RSBN1L: variants seen among roughly 807,000 people sequenced by gnomAD.
RSBN1L encodes the protein round spermatid basic protein 1 like.
Under a neutral mutation model 67.7 loss-of-function variants are expected in RSBN1L, and 30 were observed. The observed-to-expected ratio is 0.44, with a 90% confidence interval of 0.33 to 0.60. The LOEUF is 0.60. RSBN1L is among the 20% of genes least tolerant of loss of function. RSBN1L has a pLI of 0.02. For missense variants in RSBN1L, 992 were observed against 1,031.7 expected (o/e 0.96, Z 0.53); for synonymous variants, 433 against 387.0 (o/e 1.12, Z -1.39).
At position 77,780,618 on chromosome 7, in the gene RSBN1L, A is replaced by C. The variant is rs1195864812; in HGVS notation, c.*1450A>C. 1 of 152,240 alleles carries C rather than the reference A, an allele frequency of 6.6e-6. No homozygotes were observed. Among genetic ancestry groups the C allele is most frequent in the Non-Finnish European group, 1.5e-5 (1 of 68,036 alleles). 9.4% of individuals were successfully genotyped at this position (152,240 alleles called of 1,614,324 possible). Reference sequence around the variant, plus strand: ...AAATATGGCAAATACAAAACTGTAAAATAAGGGCAATGACAATGACTCAAC... The same window carrying C: ...AAATATGGCAAATACAAAACTGTAACATAAGGGCAATGACAATGACTCAAC... On this transcript the variant is annotated 3_prime_UTR_variant, in exon 8 of 8. Coordinates refer to ENST00000334955, the MANE Select transcript of RSBN1L (RefSeq NM_198467.3).
Position 77,749,966 on chromosome 7 carries a change from G to A in RSBN1L, c.1246G>A (p.Asp416Asn), listed in dbSNP as rs934846823. ...GAATYLPDFLDYFSFNFPNSP... is the reference protein window; with the variant it reads ...GAATYLPDFLNYFSFNFPNSP... ...AGCTACTTATTTACCTGACTTTTTA[G>A]ACTATTTTTCATTTAATTTTCCCAA... is the stretch of plus-strand genomic sequence containing the variant. Residue 416 changes from aspartate (D) to asparagine (N), a missense_variant, in exon 3 of 8, where the codon GAC (aspartate) becomes AAC (asparagine). By Grantham distance (23) the Asp-to-Asn change is conservative. Coordinates refer to ENST00000334955, the MANE Select transcript of RSBN1L (RefSeq NM_198467.3). 1 of 1,613,922 alleles carries A rather than the reference G, an allele frequency of 6.2e-7. No individual in the cohort carries two copies.
At chr7:77,724,217 A>G (rs1282795233) in intron 1 of RSBN1L, among the ~76,000 whole-genome samples, 1 of 151,930 alleles carries the variant, frequency 6.6e-6, no homozygotes, top group Non-Finnish European at 1.5e-5. Context: ...ACTTTTTTTA[A>G]TGTGTTTATG....
chr7:77,715,064 G>C lies in RSBN1L; in HGVS notation c.586+18009G>C, dbSNP rs574253345. Among the ~76,000 whole-genome samples the C allele has an allele frequency of 3.3e-5, 5 of 152,068 alleles. No homozygotes were observed. In the South Asian group the frequency reaches 1.0e-3, roughly 32 times the overall value. On this transcript the variant is annotated intron_variant, in intron 1 of 7. Coordinates refer to ENST00000334955, the MANE Select transcript of RSBN1L (RefSeq NM_198467.3). ...ATATGGGCAGGTCACCTGAGGTCAGGAGTTTAAGACCAGCCTGACCAGCAT... is the reference window on the plus strand; with the variant it reads ...ATATGGGCAGGTCACCTGAGGTCAGCAGTTTAAGACCAGCCTGACCAGCAT...
chr7:77,708,207 G>C (rs915733747), intron 1 of RSBN1L, among the ~76,000 whole-genome samples: 1 of 151,998 alleles, frequency 6.6e-6, no homozygotes, highest in Non-Finnish European at 1.5e-5. Flanking sequence ...GCTTGTTTGG[G>C]GTAGGGGGTG....
intron 3 of RSBN1L, among the ~76,000 whole-genome samples, chr7:77,760,270 G>C (rs1791682838): frequency 6.6e-6 from 1 of 152,018 alleles, no homozygotes; most frequent in South Asian, 2.1e-4. Context: ...GTTAACCAAA[G>C]CTTCTCAGAT....
rs1438401520 is a variant in RSBN1L, at chr7:77,781,047, GGTAAC to G, written c.*1880_*1884del. The G allele has an allele frequency of 6.6e-6, 1 of 152,128 alleles. No homozygotes were observed. Among genetic ancestry groups the G allele is most frequent in the Non-Finnish European group, 1.5e-5 (1 of 68,024 alleles). 9.4% of individuals were successfully genotyped at this position (152,128 alleles called of 1,614,324 possible). ...TATTTCCATTTCTGGCTTAATTTAT[GGTAAC>G]CATCAAAACTGCTTATATTTCTGGT... On this transcript the variant is annotated 3_prime_UTR_variant, in exon 8 of 8. Transcript: ENST00000334955.
chr7:77,779,349 G>T lies in RSBN1L; in HGVS notation c.*181G>T, dbSNP rs755726921. The T allele has an allele frequency of 4.4e-4, 222 of 509,934 alleles. 2 individuals carry two copies. The highest frequency in any genetic ancestry group is 5.3e-4 in the Middle Eastern group (1 of 1,896). The allele number at this position is 509,934 out of a possible 1,614,324, so 31.6% of individuals were successfully genotyped here. A position where few individuals can be genotyped will look rare whatever the true frequency, so the allele number is the denominator to read the frequency against. ...AAGTATTAAGCACTTAGGGCCAGAT[G>T]CACTGTAAACATTGCAGGTTTAAAC... On this transcript the variant is annotated 3_prime_UTR_variant, in exon 8 of 8. Coordinates refer to ENST00000334955, the MANE Select transcript of RSBN1L (RefSeq NM_198467.3).
intron 2 of RSBN1L, among the ~76,000 whole-genome samples, chr7:77,742,971 G>A (rs1791433488): frequency 6.6e-6 from 1 of 152,206 alleles, no homozygotes; most frequent in South Asian, 2.1e-4. Flanking sequence ...CTTGCAAACA[G>A]GACTGAGAAT....
intron 1 of RSBN1L, among the ~76,000 whole-genome samples, chr7:77,699,652 A>G (rs1404999458): frequency 6.6e-6 from 1 of 152,228 alleles, no homozygotes; most frequent in African/African-American, 2.4e-5. Flanking sequence ...GTATACTAAT[A>G]TGGCCCCATT....
At chr7:77,754,632 C>A (rs549265598) in intron 3 of RSBN1L, among the ~76,000 whole-genome samples, 2 of 152,260 alleles carry the variant, frequency 1.3e-5, no homozygotes, top group East Asian at 3.9e-4. Flanking sequence ...CTCCATTTAT[C>A]TTCCAACATC....
intron 1 of RSBN1L, among the ~76,000 whole-genome samples, chr7:77,731,714 G>T (rs992471786): frequency 6.6e-6 from 1 of 151,908 alleles, no homozygotes; most frequent in Admixed American, 6.6e-5. Context: ...ATGAAATCCA[G>T]CTTTATCAGT....
intron 1 of RSBN1L, among the ~76,000 whole-genome samples, chr7:77,719,763 A>G (rs1022514442): frequency 1.3e-5 from 2 of 152,156 alleles, no homozygotes; most frequent in African/African-American, 4.8e-5. Context: ...GTATATATGT[A>G]TTTAAAAAAA....
intron 1 of RSBN1L, among the ~76,000 whole-genome samples, chr7:77,716,227 A>C (rs1279016736): frequency 6.6e-6 from 1 of 152,190 alleles, no homozygotes; most frequent in Non-Finnish European, 1.5e-5. Flanking sequence ...TTTAGGTTTC[A>C]CATTTAGGTC....
intron 1 of RSBN1L, among the ~76,000 whole-genome samples, chr7:77,715,496 TG>T (rs1293086847): frequency 6.6e-6 from 1 of 151,886 alleles, no homozygotes; most frequent in African/African-American, 2.4e-5. Flanking sequence ...TTAGTCAAGA[TG>T]GGGGGCTCAC....
At chr7:77,732,748 A>G (rs769848428) in intron 1 of RSBN1L, among the ~76,000 whole-genome samples, 2 of 152,240 alleles carry the variant, frequency 1.3e-5, no homozygotes, top group South Asian at 4.1e-4. Context: ...ATGGATACCA[A>G]TATTATAGGT....
Position 77,779,112 on chromosome 7 carries a change from C to T in RSBN1L, c.2485C>T (p.Gln829Ter). ...PGNLSLVDTR[Q>*]HSSAHSNQDK... is the part of the protein sequence containing the mutation. ...AAATCTAAGTCTAGTTGATACAAGG[C>T]AACACAGTTCAGCACATTCAAATCA... is the stretch of plus-strand genomic sequence containing the variant. The change falls in exon 8 of 8, where the codon CAA (glutamine) becomes TAA (stop). Residue 829 changes from glutamine (Q) to a stop codon, truncating the protein, a stop_gained. Transcript: ENST00000334955. LOFTEE classifies it high-confidence loss of function. The T allele has an allele frequency of 1.2e-6, 2 of 1,612,982 alleles. No homozygotes were observed. Among genetic ancestry groups the T allele is most frequent in the South Asian group, 2.2e-5 (2 of 90,996 alleles).
At chr7:77,768,511 TA>T in intron 4 of RSBN1L, 149 bp from the exon 5 acceptor site, 1 of 667,058 alleles carries the variant, frequency 1.5e-6, no homozygotes, top group African/African-American at 1.8e-5. Context: ...TATCAATATA[TA>T]GGGATATATT....
At chr7:77,775,122 T>C (rs7807804) in intron 6 of RSBN1L, among the ~76,000 whole-genome samples, 3,055 of 152,320 alleles carry the variant, frequency 0.02, 88 homozygotes, top group African/African-American at 0.069. Context: ...TGGCCTATTT[T>C]AAAATTTTTT....
At chr7:77,725,850 C>T (rs1220171019) in intron 1 of RSBN1L, among the ~76,000 whole-genome samples, 1 of 152,106 alleles carries the variant, frequency 6.6e-6, no homozygotes, top group African/African-American at 2.4e-5. Flanking sequence ...TCCCAAAGTG[C>T]TGGGATTACA....
Sources: gnomAD v4.1 joint callset for allele counts (sites outside exome capture counted in the v4.1 genomes callset) on GRCh38, gnomAD v4.1.1 for gene constraint, MANE v1.5 for transcripts, NCBI Gene and HGNC (gene_info 2026-07-23, HGNC 2026-07-21) for gene names.